Variants in ACYP2 observed in about 807,000 individuals in gnomAD.
ACYP2 encodes the protein acylphosphatase-2.
ACYP2 carries 12 observed loss-of-function variants against 11.2 expected under a neutral mutation model. That is an observed-to-expected ratio of 1.08 (90% CI 0.69 to 1.74). The LOEUF is 1.74. Among genes scored for constraint, ACYP2 ranks in the 40% most tolerant of loss-of-function variants. The pLI is 0.00. For synonymous variants in ACYP2, 43 were observed against 32.2 expected (o/e 1.33, Z -1.13); for missense variants, 134 against 101.9 (o/e 1.31, Z -1.35).
intron 4 of ACYP2, among the ~76,000 whole-genome samples, chr2:54,078,566 T>G (rs1021374678): frequency 6.6e-6 from 1 of 151,608 alleles, no homozygotes; most frequent in Non-Finnish European, 1.5e-5. Flanking sequence ...TTTAAACATT[T>G]TATTATTTTA....
At chr2:54,017,126 A>T (rs184399630) in intron 2 of ACYP2, among the ~76,000 whole-genome samples, 173 of 152,192 alleles carry the variant, frequency 1.1e-3, no homozygotes, top group African/African-American at 3.8e-3. Context: ...AGAGGAGCAA[A>T]AGCAAATGGA....
At chr2:54,242,646 T>C (rs1686779114) in intron 6 of ACYP2, among the ~76,000 whole-genome samples, 1 of 152,222 alleles carries the variant, frequency 6.6e-6, no homozygotes, top group Non-Finnish European at 1.5e-5. Context: ...GATACACAAA[T>C]GTCATTGTGT....
chr2:54,154,469 AATTT>A (rs1173250308), intron 6 of ACYP2, among the ~76,000 whole-genome samples: 3 of 152,022 alleles, frequency 2.0e-5, no homozygotes, highest in African/African-American at 7.2e-5. Flanking sequence ...CTTCTATACT[AATTT>A]ATTAGTGAAA....
chr2:54,241,997 C>G (rs910368180), intron 6 of ACYP2, among the ~76,000 whole-genome samples: 1 of 151,980 alleles, frequency 6.6e-6, no homozygotes, highest in Non-Finnish European at 1.5e-5. Context: ...CTAGGTGACA[C>G]AGCAAGACAC....
chr2:54,003,133 A>T (rs963958850), intron 2 of ACYP2, among the ~76,000 whole-genome samples: 3 of 151,196 alleles, frequency 2.0e-5, no homozygotes, highest in Non-Finnish European at 4.4e-5. Flanking sequence ...ATTTTTAATA[A>T]GGACAGGCTC....
At chr2:54,217,263 T>C (rs1269002449) in intron 6 of ACYP2, among the ~76,000 whole-genome samples, 9 of 152,202 alleles carry the variant, frequency 5.9e-5, no homozygotes, top group African/African-American at 1.7e-4. Flanking sequence ...TGTCTAATAC[T>C]TGTGGCCACT....
chr2:54,267,567 A>G (rs894618911), intron 6 of ACYP2, among the ~76,000 whole-genome samples: 12 of 152,196 alleles, frequency 7.9e-5, no homozygotes, highest in African/African-American at 2.4e-4. Flanking sequence ...GCCATGAATA[A>G]TAGGCCTCCC....
intron 6 of ACYP2, among the ~76,000 whole-genome samples, chr2:54,244,140 GT>G (rs920928465): frequency 3.3e-5 from 5 of 152,118 alleles, no homozygotes; most frequent in Non-Finnish European, 5.9e-5. Flanking sequence ...CACCTCTCCA[GT>G]TTTCTCAAGA....
In ACYP2 at chr2:54,171,331, G is replaced by A. The variant is rs372745726; in HGVS notation, c.404+32583G>A. Among the ~76,000 whole-genome samples, 29 of 152,238 alleles carry A rather than the reference G, an allele frequency of 1.9e-4. No homozygotes were observed. The Middle Eastern group carries it at 0.01, about 54-fold the overall frequency. ...CTTTCCTCCCCATACTGAAGATAGC[G>A]AATGGAATATGGGAATGTTATCGGG... On this transcript the variant is annotated intron_variant, in intron 6 of 6. Coordinates refer to ENST00000607452, the MANE Select transcript of ACYP2 (RefSeq NM_001320586.2).
At chr2:53,992,988 T>C (rs1021771391) in intron 2 of ACYP2, among the ~76,000 whole-genome samples, 7 of 151,876 alleles carry the variant, frequency 4.6e-5, no homozygotes, top group Non-Finnish European at 1.0e-4. Flanking sequence ...GACGGATCAC[T>C]TGAATCCAGG....
chr2:54,014,867 C>T (rs1673593199), intron 2 of ACYP2, among the ~76,000 whole-genome samples: 1 of 152,108 alleles, frequency 6.6e-6, no homozygotes, highest in Admixed American at 6.6e-5. Flanking sequence ...TCAAGCAGTC[C>T]TCCCACCTCA....
At chr2:54,107,258 T>C (rs959246465) in intron 4 of ACYP2, among the ~76,000 whole-genome samples, 66 of 152,202 alleles carry the variant, frequency 4.3e-4, no homozygotes, top group Non-Finnish European at 1.9e-4. Context: ...ATAGTAAAAA[T>C]AAATAAGCAT....
intron 6 of ACYP2, among the ~76,000 whole-genome samples, chr2:54,240,898 G>A (rs887606800): frequency 6.6e-6 from 1 of 152,130 alleles, no homozygotes; most frequent in African/African-American, 2.4e-5. Flanking sequence ...CTTTACTTTA[G>A]TAATTTTAGA....
chr2:54,115,480 C>T (rs147956638), intron 4 of ACYP2, 135 bp from the exon 1 acceptor site: 3 of 1,285,274 alleles, frequency 2.3e-6, no homozygotes, highest in East Asian at 2.7e-5. Context: ...TGGGGCCCAG[C>T]GGCCTCTTCC....
At chr2:54,281,821 CT>C (rs1210459026) in intron 6 of ACYP2, among the ~76,000 whole-genome samples, 2 of 152,082 alleles carry the variant, frequency 1.3e-5, no homozygotes, top group Non-Finnish European at 2.9e-5. Context: ...CTAAGTTTTG[CT>C]TTTTTTCCAT....
intron 2 of ACYP2, among the ~76,000 whole-genome samples, chr2:54,042,009 C>CTT (rs111463982): frequency 3.7e-5 from 5 of 136,572 alleles, no homozygotes; most frequent in Admixed American, 7.3e-5. Context: ...TTTATTCTTT[C>CTT]TTTTTTTTTT....
Position 54,236,093 on chromosome 2 carries a change from ATTT to A in ACYP2, c.405-68589_405-68587del, listed in dbSNP as rs529758708. Among the ~76,000 whole-genome samples the A allele has an allele frequency of 2.3e-3, 346 of 151,312 alleles. 5 individuals carry two copies. Among genetic ancestry groups the A allele is most frequent in the Admixed American group, 0.013 (201 of 15,140 alleles). ...CTTATATTTTCTTTAGATTTCTGGA[ATTT>A]TTTTTGTTTGTTTTTTGTTTTTTGA... On this transcript the variant is annotated intron_variant, in intron 6 of 6. Transcript: ENST00000607452.
At chr2:54,181,909 T>A (rs72800790) in intron 6 of ACYP2, among the ~76,000 whole-genome samples, 22,945 of 152,004 alleles carry the variant, frequency 0.15, 2,120 homozygotes, top group South Asian at 0.36. Flanking sequence ...TTTAAAAAGG[T>A]TCATAAAACA....
At chr2:54,007,008 C>A (rs1421918505) in intron 2 of ACYP2, among the ~76,000 whole-genome samples, 2 of 151,316 alleles carry the variant, frequency 1.3e-5, no homozygotes, top group Non-Finnish European at 2.9e-5. Context: ...GCCTGTAATC[C>A]CAGCTACTCG....
Sources: allele counts gnomAD v4.1 joint callset (sites outside exome capture counted in the v4.1 genomes callset), GRCh38; gene constraint gnomAD v4.1.1; transcripts MANE v1.5; gene names NCBI Gene and HGNC (gene_info 2026-07-23, HGNC 2026-07-21).